PHACTR3: variants seen among roughly 807,000 people sequenced by gnomAD.
PHACTR3 encodes the protein phosphatase and actin regulator 3.
In PHACTR3, 16 loss-of-function variants were observed where a neutral mutation model predicts 66.8. That is an observed-to-expected ratio of 0.24 (90% CI 0.16 to 0.36). The LOEUF (loss-of-function observed/expected upper bound fraction) is 0.36. PHACTR3 is among the 10% of genes least tolerant of loss of function. The pLI is 1.00. For missense variants in PHACTR3, 647 were observed against 719.9 expected, an observed-to-expected ratio of 0.90 and a Z score of 1.16; for synonymous variants, 323 against 292.1, an observed-to-expected ratio of 1.11 and a Z score of -1.08.
At chr20:59,628,115 T>C (rs2034523575) in intron 1 of PHACTR3, 1 of 152,230 alleles carries the variant, frequency 6.6e-6, no homozygotes, top group African/African-American at 2.4e-5. Context: ...GGCTTCGGCA[T>C]GGAAGTTTCC....
At chr20:59,769,678 A>C (rs550608121) in intron 5 of PHACTR3, among the ~76,000 whole-genome samples, 48 of 152,234 alleles carry the variant, frequency 3.2e-4, no homozygotes, top group Non-Finnish European at 5.9e-4. Flanking sequence ...TTCACTGTCA[A>C]ATCCAAGTGC....
At chr20:59,672,839 T>C (rs1195518492) in intron 1 of PHACTR3, among the ~76,000 whole-genome samples, 1 of 152,188 alleles carries the variant, frequency 6.6e-6, no homozygotes, top group Admixed American at 6.5e-5. Flanking sequence ...GTGGTTGCCC[T>C]TTGGTGTATG....
At chr20:59,632,256 C>T (rs2034693392) in intron 1 of PHACTR3, among the ~76,000 whole-genome samples, 1 of 152,122 alleles carries the variant, frequency 6.6e-6, no homozygotes, top group South Asian at 2.1e-4. Flanking sequence ...CACTCCTGTT[C>T]CTCAGTCCCC....
intron 1 of PHACTR3, among the ~76,000 whole-genome samples, chr20:59,700,318 C>A (rs1028524274): frequency 6.6e-6 from 1 of 152,092 alleles, no homozygotes; most frequent in African/African-American, 2.4e-5. Flanking sequence ...ATCGATGAAT[C>A]AGTGCTACCT....
chr20:59,763,526 T>C (rs946464029), intron 4 of PHACTR3, among the ~76,000 whole-genome samples: 7 of 152,172 alleles, frequency 4.6e-5, no homozygotes, highest in Admixed American at 3.9e-4. Flanking sequence ...GGAGAATTTT[T>C]TGTGGGGACC....
chr20:59,772,249 G>A lies in PHACTR3; in HGVS notation c.752-1030G>A, dbSNP rs58779389. 5.2e-3 allele frequency among the ~76,000 whole-genome samples: 794 copies of A among 152,264 alleles called. 8 individuals are homozygous for A. The highest frequency in any genetic ancestry group is 0.017 in the African/African-American group (711 of 41,562). On this transcript the variant is annotated intron_variant, in intron 5 of 12. Transcript: ENST00000371015. The stretch of plus-strand genomic sequence containing the variant: ...AGGAGACTGTCATTGATGGAAGGAG[G>A]GGGTGTCCCACTCATTTAGACTTGA...
intron 1 of PHACTR3, among the ~76,000 whole-genome samples, chr20:59,726,688 C>T (rs1447250000): frequency 1.3e-5 from 2 of 152,098 alleles, no homozygotes; most frequent in African/African-American, 4.8e-5. Flanking sequence ...TCATGTGTGC[C>T]AATCATGCTA....
chr20:59,780,983 T>C (rs576266290), intron 7 of PHACTR3, among the ~76,000 whole-genome samples: 1 of 152,260 alleles, frequency 6.6e-6, no homozygotes, highest in Non-Finnish European at 1.5e-5. Context: ...TTAAGGAGCA[T>C]ATAGGAACAA....
intron 1 of PHACTR3, among the ~76,000 whole-genome samples, chr20:59,625,924 T>G (rs1022311831): frequency 1.3e-5 from 2 of 152,078 alleles, no homozygotes; most frequent in African/African-American, 4.8e-5. Flanking sequence ...ACCGAATACC[T>G]CAGGGTTTGT....
At chr20:59,780,397 G>A (rs1480367237) in intron 7 of PHACTR3, among the ~76,000 whole-genome samples, 1 of 152,164 alleles carries the variant, frequency 6.6e-6, no homozygotes, top group African/African-American at 2.4e-5. Flanking sequence ...CAGAGACAGG[G>A]AAGTCCAAGA....
chr20:59,582,467 A>C (rs1336013436), intron 1 of PHACTR3, among the ~76,000 whole-genome samples: 1 of 151,998 alleles, frequency 6.6e-6, no homozygotes, highest in Non-Finnish European at 1.5e-5. Flanking sequence ...GAAGAATGGA[A>C]CTCCTGGGGC....
chr20:59,747,937 C>T (rs1022593906), intron 3 of PHACTR3, 102 bp downstream of exon 3: 1 of 1,212,640 alleles, frequency 8.2e-7, no homozygotes, highest in Non-Finnish European at 1.2e-6. Context: ...AGTGTAGAAT[C>T]CAAGGAGGGC....
At chr20:59,708,278 C>A (rs1029584488) in intron 1 of PHACTR3, among the ~76,000 whole-genome samples, 3 of 152,108 alleles carry the variant, frequency 2.0e-5, no homozygotes, top group African/African-American at 7.2e-5. Context: ...AACCATGGTG[C>A]CTGTGTCTCT....
At chr20:59,690,776 G>A (rs556901544) in intron 1 of PHACTR3, among the ~76,000 whole-genome samples, 2 of 152,204 alleles carry the variant, frequency 1.3e-5, no homozygotes, top group East Asian at 3.9e-4. Flanking sequence ...TTCCTTTCCT[G>A]GGAGGTCTCT....
intron 1 of PHACTR3, among the ~76,000 whole-genome samples, chr20:59,640,460 G>T (rs370816170): frequency 5.9e-5 from 9 of 152,194 alleles, no homozygotes; most frequent in African/African-American, 2.2e-4. Flanking sequence ...GTCTTGGTGA[G>T]AAATAGTAGC....
At chr20:59,723,282 C>T (rs918848351) in intron 1 of PHACTR3, among the ~76,000 whole-genome samples, 5 of 151,932 alleles carry the variant, frequency 3.3e-5, no homozygotes, top group Admixed American at 3.3e-4. Flanking sequence ...ATTAAGTGCT[C>T]CCTCCCCACT....
At chr20:59,662,518 C>T (rs1446166775) in intron 1 of PHACTR3, among the ~76,000 whole-genome samples, 1 of 152,132 alleles carries the variant, frequency 6.6e-6, no homozygotes, top group Non-Finnish European at 1.5e-5. Context: ...AAGGGGGAAG[C>T]ATGCACGTTG....
intron 8 of PHACTR3, among the ~76,000 whole-genome samples, chr20:59,824,565 T>A (rs981321179): frequency 3.9e-5 from 6 of 152,170 alleles, no homozygotes; most frequent in African/African-American, 1.4e-4. Flanking sequence ...TGAACACAGG[T>A]CCTTTAGGCC....
chr20:59,664,999 C>T (rs1213147343), intron 1 of PHACTR3, among the ~76,000 whole-genome samples: 2 of 152,202 alleles, frequency 1.3e-5, no homozygotes, highest in Non-Finnish European at 2.9e-5. Flanking sequence ...TAATAGTATA[C>T]TATGCTTACT....
Sources: gnomAD v4.1 joint callset for allele counts (sites outside exome capture counted in the v4.1 genomes callset) on GRCh38, gnomAD v4.1.1 for gene constraint, MANE v1.5 for transcripts, NCBI Gene and HGNC (gene_info 2026-07-23, HGNC 2026-07-21) for gene names.